Variants in MAGI2 observed in about 807,000 individuals in gnomAD.
The protein encoded by MAGI2 is membrane associated guanylate kinase, WW and PDZ domain containing 2, also known as membrane-associated guanylate kinase, WW and PDZ domain-containing protein 2.
A neutral mutation model predicts 133.3 loss-of-function variants in MAGI2; 35 were observed. The observed-to-expected ratio is 0.26, with a 90% CI of 0.20 to 0.35. The LOEUF is 0.35. Ranked by LOEUF, MAGI2 falls within the 10% of genes least tolerant of loss-of-function variation. MAGI2 has a pLI of 1.00. For missense variants in MAGI2, 1,636 were observed against 1,863.4 expected (o/e 0.88, Z 2.25); for synonymous variants, 729 against 710.6 (o/e 1.03, Z -0.41).
chr7:79,133,532 T>G (rs1821122728), intron 1 of MAGI2, among the ~76,000 whole-genome samples: 1 of 152,182 alleles, frequency 6.6e-6, no homozygotes, highest in Non-Finnish European at 1.5e-5. Flanking sequence ...TATACCAGTA[T>G]CATGCTGTTT....
At position 78,988,853 on chromosome 7, in the gene MAGI2, CG is replaced by C. The variant is rs559095432; in HGVS notation, c.418+18236del. ...TAAAACCAAGATATGGGGAAGGATA[CG>C]TTAGCGCTAGGAGGAAAAATAAGAT... On this transcript the variant is annotated intron_variant, in intron 2 of 21. Coordinates refer to ENST00000354212, the MANE Select transcript of MAGI2 (RefSeq NM_012301.4). 6.6e-5 allele frequency among the ~76,000 whole-genome samples: 10 copies of C among 152,008 alleles called. No homozygotes were observed. The South Asian group carries it at 1.5e-3, about 22-fold the overall frequency.
chr7:78,559,534 T>C (rs1041953812), intron 3 of MAGI2, among the ~76,000 whole-genome samples: 1 of 152,146 alleles, frequency 6.6e-6, no homozygotes, highest in Non-Finnish European at 1.5e-5. Context: ...TCAAAGGGCA[T>C]GTACTATTTG....
At chr7:79,388,721 G>T (rs571092403) in intron 1 of MAGI2, among the ~76,000 whole-genome samples, 105 of 151,188 alleles carry the variant, frequency 6.9e-4, no homozygotes, top group Admixed American at 9.9e-4. Flanking sequence ...CTCTTAATGA[G>T]AAAGGTGAAA....
chr7:78,097,531 G>C (rs1817819708), intron 20 of MAGI2, among the ~76,000 whole-genome samples: 1 of 152,174 alleles, frequency 6.6e-6, no homozygotes, highest in African/African-American at 2.4e-5. Flanking sequence ...GATGGAGCTG[G>C]AGGCTATTAT....
chr7:79,119,148 C>A (rs187041631), intron 1 of MAGI2, among the ~76,000 whole-genome samples: 1 of 152,038 alleles, frequency 6.6e-6, no homozygotes, highest in Admixed American at 6.6e-5. Flanking sequence ...GAGAAATCAG[C>A]GAAGTAATTT....
chr7:78,254,282 A>G (rs1219522544), intron 10 of MAGI2: 1 of 152,222 alleles, frequency 6.6e-6, no homozygotes, highest in African/African-American at 2.4e-5. Flanking sequence ...GAAGCTGTAT[A>G]TAAAAAATGC....
intron 9 of MAGI2, among the ~76,000 whole-genome samples, chr7:78,339,658 T>C (rs1400987310): frequency 6.6e-6 from 1 of 152,202 alleles, no homozygotes; most frequent in Admixed American, 6.5e-5. Flanking sequence ...ATTCTAATCG[T>C]AGGCAATAGG....
intron 1 of MAGI2, among the ~76,000 whole-genome samples, chr7:79,345,131 C>A (rs1032703755): frequency 6.6e-6 from 1 of 151,966 alleles, no homozygotes; most frequent in African/African-American, 2.4e-5. Flanking sequence ...TGTTGGGAAA[C>A]AGGATCACTG....
At chr7:78,202,999 G>C (rs1434372271) in intron 10 of MAGI2, among the ~76,000 whole-genome samples, 1 of 152,142 alleles carries the variant, frequency 6.6e-6, no homozygotes, top group African/African-American at 2.4e-5. Flanking sequence ...AAAACAATTT[G>C]ACCATGAGTT....
At chr7:78,231,326 T>C (rs529884918) in intron 10 of MAGI2, among the ~76,000 whole-genome samples, 45 of 152,308 alleles carry the variant, frequency 3.0e-4, no homozygotes, top group Non-Finnish European at 5.7e-4. Context: ...AGAGGAATAC[T>C]CTTTGGAATT....
rs139480941 is a variant in MAGI2 at position 79,006,662 on chromosome 7, C to T, written c.418+428G>A. ...CTTTTCTTTTTACTTGTGAGACTCT[C>T]CTGTTGCAAACAAGAGATGAGGTTG... On this transcript the variant is annotated intron_variant, in intron 2 of 21. Transcript: ENST00000354212. The T allele has an allele frequency of 2.2e-3, 339 of 153,770 alleles. 2 individuals are homozygous for T. The highest frequency in any genetic ancestry group is 0.013 in the Middle Eastern group (4 of 298). The allele number at this position is 153,770 out of a possible 1,614,324, so 9.5% of individuals were successfully genotyped here.
chr7:78,036,056 C>CGTGTGT (rs3840613), intron 21 of MAGI2, among the ~76,000 whole-genome samples: 13 of 150,954 alleles, frequency 8.6e-5, no homozygotes, highest in South Asian at 2.1e-4. Context: ...TGTGTGTCTG[C>CGTGTGT]GTGTGTGTGT....
chr7:79,452,858 T>G (rs1849382405), intron 1 of MAGI2, 162 bp downstream of exon 1: 1 of 705,784 alleles, frequency 1.4e-6, no homozygotes, highest in East Asian at 2.9e-5. Flanking sequence ...AGCCCCCAAG[T>G]CGAATCCCCG....
intron 2 of MAGI2, among the ~76,000 whole-genome samples, chr7:78,839,146 A>T (rs565077807): frequency 3.7e-4 from 57 of 152,128 alleles, no homozygotes; most frequent in Non-Finnish European, 7.2e-4. Flanking sequence ...AAAGAAAGAG[A>T]GTAAAGGTAG....
chr7:78,616,647 A>T (rs1305736321), intron 3 of MAGI2: 1 of 152,176 alleles, frequency 6.6e-6, no homozygotes, highest in African/African-American at 2.4e-5. Context: ...GAGAATTAAG[A>T]TAAAGACAAA....
intron 1 of MAGI2, among the ~76,000 whole-genome samples, chr7:79,407,562 G>A (rs1396730212): frequency 6.6e-6 from 1 of 152,028 alleles, no homozygotes. Context: ...CACATTTCTG[G>A]GCTCAGCTTT....
chr7:78,197,463 T>C (rs1013239883), intron 11 of MAGI2, among the ~76,000 whole-genome samples: 3 of 152,248 alleles, frequency 2.0e-5, no homozygotes, highest in African/African-American at 4.8e-5. Flanking sequence ...CCCAAATGTG[T>C]CTTGCTGGTA....
chr7:78,652,655 A>AACCTAAG (rs1168718284), intron 2 of MAGI2, among the ~76,000 whole-genome samples: 2 of 152,222 alleles, frequency 1.3e-5, no homozygotes, highest in Non-Finnish European at 2.9e-5. Context: ...TAAAGACTTA[A>AACCTAAG]ACCTAAGACC....
rs1160120702 is a variant in MAGI2, at chr7:79,039,318, A to T, written c.302-32112T>A. Among the ~76,000 whole-genome samples the T allele has an allele frequency of 2.0e-5, 3 of 152,152 alleles. No homozygotes were observed. In the East Asian group the frequency reaches 5.8e-4, roughly 29 times the overall value. On this transcript the variant is annotated intron_variant, in intron 1 of 21. Transcript: ENST00000354212. ...CTATGCAGAATTGTGAGTCAATTAA[A>T]CCTCTTTTTATTAAAATAAATAAAT... is the stretch of plus-strand genomic sequence containing the variant.
Sources: gnomAD v4.1 joint callset for allele counts (sites outside exome capture counted in the v4.1 genomes callset) on GRCh38, gnomAD v4.1.1 for gene constraint, MANE v1.5 for transcripts, NCBI Gene and HGNC (gene_info 2026-07-23, HGNC 2026-07-21) for gene names.